PPP2R2B: variants seen among roughly 807,000 people sequenced by gnomAD.
The protein encoded by PPP2R2B is serine/threonine-protein phosphatase 2A 55 kDa regulatory subunit B beta isoform.
Under a neutral mutation model 46.0 loss-of-function variants are expected in PPP2R2B, and 5 were observed. That is an observed-to-expected ratio of 0.11 (90% confidence interval 0.06 to 0.23). The LOEUF (loss-of-function observed/expected upper bound fraction) is 0.23, where lower values mean the gene tolerates loss of function less well. Among genes scored for constraint, PPP2R2B ranks in the 10% least tolerant of loss-of-function variants. The probability of loss-of-function intolerance (pLI) is 1.00; values close to 1 mark genes in which losing one functional copy is unlikely to be tolerated. For missense variants in PPP2R2B, 367 were observed against 575.0 expected (o/e 0.64, Z 3.70); for synonymous variants, 215 against 206.7 (o/e 1.04, Z -0.34).
chr5:146,841,951 A>G (rs1351445677), intron 2 of PPP2R2B, among the ~76,000 whole-genome samples: 2 of 152,206 alleles, frequency 1.3e-5, no homozygotes. Context: ...AAGAAAAAAG[A>G]GATTTGATAT....
Position 146,605,686 on chromosome 5 carries a change from C to T in PPP2R2B, c.791-5226G>A, listed in dbSNP as rs749094862. 3.9e-5 allele frequency among the ~76,000 whole-genome samples: 6 copies of T among 152,214 alleles called. No individual in the cohort carries two copies. In the South Asian group the frequency reaches 1.2e-3, roughly 32 times the overall value. The stretch of plus-strand genomic sequence containing the variant: ...AATGTTCCCCAGGGGGCATGACTGC[C>T]CCTGGTTGAGAATCACTGCTTTAAT... On this transcript the variant is annotated intron_variant, in intron 7 of 9. Coordinates refer to ENST00000394411, the MANE Select transcript of PPP2R2B (RefSeq NM_181675.4).
chr5:146,785,961 G>A (rs1755813149), intron 2 of PPP2R2B, among the ~76,000 whole-genome samples: 4 of 151,978 alleles, frequency 2.6e-5, no homozygotes, highest in South Asian at 4.2e-4. Context: ...TCTAGTGTTC[G>A]ATAGCACAGT....
chr5:146,596,178 G>C (rs906421428), intron 8 of PPP2R2B, among the ~76,000 whole-genome samples: 1 of 152,154 alleles, frequency 6.6e-6, no homozygotes, highest in Non-Finnish European at 1.5e-5. Context: ...AGACAAATAG[G>C]GGGCTGGTTT....
intron 4 of PPP2R2B, among the ~76,000 whole-genome samples, chr5:146,696,433 A>G (rs2151160930): frequency 6.6e-6 from 1 of 152,322 alleles, no homozygotes; most frequent in East Asian, 1.9e-4. Context: ...GCAATAATCA[A>G]TAGGCTAAAT....
chr5:146,885,100 T>C lies in PPP2R2B; in HGVS notation c.79+170565A>G, dbSNP rs374817486. Among the ~76,000 whole-genome samples, 7 of 152,342 alleles carry C rather than the reference T, an allele frequency of 4.6e-5. No individual in the cohort carries two copies. In the East Asian group the frequency reaches 1.3e-3, roughly 29 times the overall value. On this transcript the variant is annotated intron_variant, in intron 1 of 8. Transcript: ENST00000336640. The stretch of plus-strand genomic sequence containing the variant: ...ATGGCAAATTATTGATTCATTTATA[T>C]AGTAATTATAGCTAACACTGAGCAT...
chr5:146,857,605 T>C (rs527402814), intron 2 of PPP2R2B, among the ~76,000 whole-genome samples: 3 of 152,306 alleles, frequency 2.0e-5, no homozygotes, highest in African/African-American at 7.2e-5. Context: ...AAGGTTAGTG[T>C]ATTAACTTAT....
At chr5:146,915,778 T>C (rs777528310) in intron 1 of PPP2R2B, among the ~76,000 whole-genome samples, 3 of 152,192 alleles carry the variant, frequency 2.0e-5, no homozygotes, top group Non-Finnish European at 4.4e-5. Flanking sequence ...GCCCTTCTCC[T>C]CTGCCCAAAT....
At chr5:147,062,160 A>C (rs1355575009) in intron 2 of PPP2R2B, among the ~76,000 whole-genome samples, 1 of 152,192 alleles carries the variant, frequency 6.6e-6, no homozygotes, top group African/African-American at 2.4e-5. Context: ...AATGCTTATC[A>C]TTGTGTTACA....
intron 6 of PPP2R2B, among the ~76,000 whole-genome samples, chr5:146,645,355 T>C (rs560826298): frequency 1.4e-4 from 22 of 152,172 alleles, no homozygotes; most frequent in Non-Finnish European, 2.6e-4. Context: ...ATTCCTCTCT[T>C]AAGAGCTTAA....
chr5:146,677,050 GTTGTCTGCT>G (rs960934007), intron 5 of PPP2R2B, among the ~76,000 whole-genome samples: 4 of 94,894 alleles, frequency 4.2e-5, no homozygotes, highest in African/African-American at 7.2e-5. Context: ...TCCTATCTTT[GTTGTCTGCT>G]TTGTCTGCTT....
At chr5:146,818,603 TC>T (rs555928143) in intron 2 of PPP2R2B, among the ~76,000 whole-genome samples, 1 of 152,224 alleles carries the variant, frequency 6.6e-6, no homozygotes, top group Non-Finnish European at 1.5e-5. Context: ...GCGGGTTCTA[TC>T]CCCTTGCATC....
intron 2 of PPP2R2B, among the ~76,000 whole-genome samples, chr5:146,787,766 C>G (rs777619876): frequency 1.9e-4 from 29 of 152,138 alleles, no homozygotes; most frequent in Admixed American, 9.8e-4. Context: ...TGGGGTTTCA[C>G]CATGTTGGTC....
intron 1 of PPP2R2B, among the ~76,000 whole-genome samples, chr5:147,012,714 T>G (rs1754801761): frequency 6.6e-6 from 1 of 151,806 alleles, no homozygotes; most frequent in South Asian, 2.1e-4. Context: ...CTTGTGGGCA[T>G]TTAGTGCTAT....
upstream of PPP2R2B, among the ~76,000 whole-genome samples, chr5:146,880,153 C>G (rs1176973062): frequency 1.3e-5 from 2 of 149,194 alleles, no homozygotes; most frequent in African/African-American, 5.0e-5. Context: ...GAGAAAAGAG[C>G]AGAAATGTTC....
chr5:146,979,642 A>G (rs1016230726), intron 1 of PPP2R2B, among the ~76,000 whole-genome samples: 3 of 152,024 alleles, frequency 2.0e-5, no homozygotes, highest in African/African-American at 4.8e-5. Context: ...CAAGACCCCC[A>G]GTAAATGCCT....
At chr5:146,886,420 T>G (rs1762329570) in intron 1 of PPP2R2B, among the ~76,000 whole-genome samples, 2 of 151,300 alleles carry the variant, frequency 1.3e-5, no homozygotes, top group South Asian at 4.2e-4. Flanking sequence ...TACGCAACTC[T>G]GAATATAATT....
intron 2 of PPP2R2B, among the ~76,000 whole-genome samples, chr5:146,819,908 T>G (rs1758153953): frequency 6.6e-6 from 1 of 152,214 alleles, no homozygotes; most frequent in Non-Finnish European, 1.5e-5. Flanking sequence ...AATGAAATTG[T>G]GTCATTTGCA....
At chr5:146,856,760 G>T (rs1006438276) in intron 2 of PPP2R2B, among the ~76,000 whole-genome samples, 2 of 152,102 alleles carry the variant, frequency 1.3e-5, no homozygotes, top group African/African-American at 4.8e-5. Context: ...CACTGTAAAA[G>T]CTTCCTTGCC....
intron 1 of PPP2R2B, among the ~76,000 whole-genome samples, chr5:146,946,502 C>T (rs1359117629): frequency 6.6e-6 from 1 of 152,108 alleles, no homozygotes; most frequent in Non-Finnish European, 1.5e-5. Context: ...GTTGCTTAGT[C>T]TCAGCATCTC....
Sources: gnomAD v4.1 joint callset for allele counts (sites outside exome capture counted in the v4.1 genomes callset) on GRCh38, gnomAD v4.1.1 for gene constraint, MANE v1.5 for transcripts, NCBI Gene and HGNC (gene_info 2026-07-23, HGNC 2026-07-21) for gene names.